The following UTP14A variants were observed in gnomAD, a reference collection of about 807,000 sequenced individuals.
The protein encoded by UTP14A is U3 small nucleolar RNA-associated protein 14 homolog A.
Under a neutral mutation model 57.2 loss-of-function variants are expected in UTP14A, and 5 were observed. The ratio of observed to expected loss-of-function variants is 0.09; its 90% confidence interval spans 0.05 to 0.18. The LOEUF is 0.18. Among genes scored for constraint, UTP14A ranks in the 10% least tolerant of loss-of-function variants. The probability of loss-of-function intolerance (pLI) is 1.00; values close to 1 mark genes in which losing one functional copy is unlikely to be tolerated. For synonymous variants in UTP14A, 169 were observed against 210.9 expected (o/e 0.80, Z 1.72); for missense variants, 430 against 562.1 (o/e 0.76, Z 2.38).
chrX:129,923,030 T>A (rs924538421), intron 11 of UTP14A: 3 of 111,708 alleles, frequency 2.7e-5, no homozygotes, highest in African/African-American at 9.8e-5. Context: ...AGATTTGCAT[T>A]TCCTTGGACA....
At chrX:129,919,106 T>C in intron 6 of UTP14A, 69 bp from the exon 7 acceptor site, 1 of 1,199,667 alleles carries the variant, frequency 8.3e-7, no homozygotes, top group Non-Finnish European at 1.1e-6. Context: ...TAGAGAATCA[T>C]AGGAATGTAA....
intron 6 of UTP14A, among the ~76,000 whole-genome samples, chrX:129,915,503 C>T (rs1395117625): frequency 9.2e-5 from 8 of 86,781 alleles, no homozygotes; most frequent in African/African-American, 3.9e-4. Context: ...CCAGCCTGGG[C>T]GACAGAGCGA....
intron 2 of UTP14A, among the ~76,000 whole-genome samples, chrX:129,907,694 T>G (rs1251062744): frequency 1.8e-4 from 20 of 112,408 alleles, no homozygotes; most frequent in Non-Finnish European, 3.2e-4. Flanking sequence ...TGATGGCTCA[T>G]GCCTGTAATC....
At chrX:129,923,466 G>T (rs1255259791) in intron 11 of UTP14A, among the ~76,000 whole-genome samples, 1 of 111,766 alleles carries the variant, frequency 8.9e-6, no homozygotes, top group African/African-American at 3.3e-5. Flanking sequence ...GTAGAGACAG[G>T]GTTTTGCCAT....
At chrX:129,909,455 C>T (rs1014620212) in intron 4 of UTP14A, among the ~76,000 whole-genome samples, 4 of 110,954 alleles carry the variant, frequency 3.6e-5, no homozygotes, top group African/African-American at 9.8e-5. Context: ...GTGATCCACC[C>T]GCCGCAGCCT....
intron 10 of UTP14A, 54 bp from the exon 11 acceptor site, chrX:129,921,140 G>T (rs903274899): frequency 8.6e-7 from 1 of 1,158,725 alleles, no homozygotes; most frequent in African/African-American, 1.8e-5. Flanking sequence ...ACCAGGAAAG[G>T]TGTTATTGCG....
intron 1 of UTP14A, among the ~76,000 whole-genome samples, chrX:129,906,743 T>C (rs925145884): frequency 4.8e-5 from 5 of 104,113 alleles, no homozygotes; most frequent in Non-Finnish European, 9.7e-5. Flanking sequence ...TAATGGTACA[T>C]TTTATAATTT....
intron 4 of UTP14A, among the ~76,000 whole-genome samples, chrX:129,909,690 G>T (rs1400808849): frequency 3.6e-5 from 4 of 111,410 alleles, no homozygotes; most frequent in African/African-American, 1.3e-4. Flanking sequence ...GGGTGGCGGG[G>T]TGGTAAAATT....
chrX:129,929,682 A>T lies in UTP14A; in HGVS notation c.*74A>T, dbSNP rs1603024440. The stretch of plus-strand genomic sequence containing the variant: ...CCAGTTTTACTCTGATACAGGGTGG[A>T]TTCCAAAACTGGCTCAGTACATTGC... On this transcript the variant is annotated 3_prime_UTR_variant, in exon 15 of 15. Coordinates refer to ENST00000394422, the MANE Select transcript of UTP14A (RefSeq NM_006649.4). The T allele has an allele frequency of 8.8e-7, 1 of 1,130,300 alleles. No homozygotes were observed. The highest frequency in any genetic ancestry group is 3.0e-5 in the East Asian group (1 of 33,227). The allele number at this position is 1,130,300 out of a possible 1,213,427, so 93.1% of individuals were successfully genotyped here.
chrX:129,911,787 A>G lies in UTP14A; in HGVS notation c.403A>G (p.Asn135Asp). The change falls in exon 6 of 15, where the codon AAT becomes GAT. Residue 135 changes from asparagine to aspartate, a missense_variant. Physicochemically the swap from Asn to Asp is conservative, Grantham distance 23 (BLOSUM62 1). Coordinates refer to ENST00000394422, the MANE Select transcript of UTP14A (RefSeq NM_006649.4). ...TCAGATCCACAGAGAAGTAGCATTC[A>G]ATAAAACCGCACAAGTCCTCTCCAA... ...IERIHREVAF[N>D]KTAQVLSKWD... 2 of 1,211,304 alleles carry G rather than the reference A, an allele frequency of 1.7e-6. No individual in the cohort carries two copies. Among genetic ancestry groups the G allele is most frequent in the Non-Finnish European group, 2.2e-6 (2 of 895,451 alleles).
At chrX:129,928,430 G>T (rs1387996976) in intron 14 of UTP14A, among the ~76,000 whole-genome samples, 1 of 101,282 alleles carries the variant, frequency 9.9e-6, no homozygotes, top group East Asian at 3.2e-4. Flanking sequence ...AAGTGTAACG[G>T]CCTGGTAGAG....
chrX:129,911,439 G>A (rs192003345), intron 5 of UTP14A, among the ~76,000 whole-genome samples: 5 of 110,529 alleles, frequency 4.5e-5, no homozygotes, highest in African/African-American at 6.6e-5. Context: ...AAAATTAGCC[G>A]GGTGTGGTGT....
In UTP14A at chrX:129,926,316, A is replaced by G. The variant is rs1370746154; in HGVS notation, c.2020A>G (p.Asn674Asp). 1 of 1,210,032 alleles carries G rather than the reference A, an allele frequency of 8.3e-7. No individual in the cohort carries two copies. Among genetic ancestry groups the G allele is most frequent in the African/African-American group, 1.7e-5 (1 of 57,254 alleles). ...AAATGTGATTATCAATGAGAAGCGC[A>G]ACATCCACGCAGCTGCTCATCAGGT... Reference protein sequence around the residue: ...LPNVIINEKRNIHAAAHQVRV... With the variant: ...LPNVIINEKRDIHAAAHQVRV... Residue 674 changes from asparagine to aspartate, a missense_variant, in exon 14 of 15, where the codon AAC (asparagine) becomes GAC (aspartate). Around this residue, in one of 4 missense-constraint regions of UTP14A, gnomAD observed 82 missense variants for 151.4 expected, o/e 0.54. Coordinates refer to ENST00000394422, the MANE Select transcript of UTP14A (RefSeq NM_006649.4).
intron 3 of UTP14A, 62 bp downstream of exon 3, chrX:129,908,192 A>G: frequency 3.0e-6 from 3 of 987,862 alleles, no homozygotes; most frequent in Non-Finnish European, 4.2e-6. Flanking sequence ...CTCTGCAGCT[A>G]ATATTTATTG....
At chrX:129,923,905 CA>C (rs1311937458) in intron 11 of UTP14A, among the ~76,000 whole-genome samples, 1 of 110,848 alleles carries the variant, frequency 9.0e-6, no homozygotes, top group African/African-American at 3.3e-5. Flanking sequence ...CCCAGTTATA[CA>C]GTGGATCATT....
chrX:129,929,113 C>A (rs1208272269), intron 14 of UTP14A, among the ~76,000 whole-genome samples: 1 of 111,572 alleles, frequency 9.0e-6, no homozygotes, highest in African/African-American at 3.3e-5. Context: ...ATGGGGGATC[C>A]AGAGCCAACT....
chrX:129,927,538 ACT>A (rs1354703311), intron 14 of UTP14A, among the ~76,000 whole-genome samples: 1 of 111,402 alleles, frequency 9.0e-6, no homozygotes, highest in Non-Finnish European at 1.9e-5. Context: ...ATGGAGTCTC[ACT>A]CTGTCACCCA....
rs1929321548 is a variant in UTP14A at position 129,908,067 on chromosome X, A to G, written c.110A>G (p.Asn37Ser). 4 of 1,207,760 alleles carry G rather than the reference A, an allele frequency of 3.3e-6. No homozygotes were observed. Among genetic ancestry groups the G allele is most frequent in the East Asian group, 3.0e-5 (1 of 33,644 alleles). The change falls in exon 3 of 15, where the codon AAT becomes AGT. Residue 37 changes from asparagine to serine, a missense_variant. Asn to Ser is a conservative substitution (Grantham distance 46, BLOSUM62 1). Around this residue, in one of 4 missense-constraint regions of UTP14A, gnomAD observed 145 missense variants for 153.5 expected, o/e 0.94. Coordinates refer to ENST00000394422, the MANE Select transcript of UTP14A (RefSeq NM_006649.4). ...LLSESEDEGD[N>S]DGERKHQKLL... ...TCCTTTTCTGTGTCTTAGGGGGACAATGATGGAGAGAGAAAGCATCAAAAG... is the reference window on the plus strand; with the variant it reads ...TCCTTTTCTGTGTCTTAGGGGGACAGTGATGGAGAGAGAAAGCATCAAAAG...
chrX:129,916,043 T>C (rs1169853569), intron 6 of UTP14A, among the ~76,000 whole-genome samples: 2 of 96,031 alleles, frequency 2.1e-5, no homozygotes, highest in Non-Finnish European at 4.0e-5. Context: ...AAGCTCCACC[T>C]CCCGGGTTCA....
Sources: gnomAD v4.1 joint callset for allele counts (sites outside exome capture counted in the v4.1 genomes callset) on GRCh38, gnomAD v4.1.1 for gene constraint, gnomAD v4.1.1 regional missense constraint, MANE v1.5 for transcripts, NCBI Gene and HGNC (gene_info 2026-07-23, HGNC 2026-07-21) for gene names.